Variants in MADD observed in about 807,000 individuals in gnomAD.
The protein encoded by MADD is MAP kinase activating death domain.
MADD carries 109 observed loss-of-function variants against 176.7 expected under a neutral mutation model. The observed-to-expected ratio is 0.62, with a 90% CI of 0.53 to 0.72. MADD has a LOEUF of 0.72. MADD is among the 30% of genes least tolerant of loss of function. The pLI, the probability that MADD is intolerant of heterozygous loss-of-function variation, is 0.00. For missense variants in MADD, 1,914 were observed against 2,045.5 expected (o/e 0.94, Z 1.24); for synonymous variants, 771 against 771.3 (o/e 1.00, Z 0.01).
intron 23 of MADD, 86 bp from the exon 27 acceptor site, chr11:47,309,195 T>C: frequency 6.4e-7 from 1 of 1,566,026 alleles, no homozygotes; most frequent in African/African-American, 1.4e-5. Flanking sequence ...TATTCCCTTT[T>C]ATCTGGATTT....
At chr11:47,282,257 A>C in intron 8 of MADD, 124 bp from the exon 9 acceptor site, 1 of 694,914 alleles carries the variant, frequency 1.4e-6, no homozygotes, top group East Asian at 2.6e-5. Flanking sequence ...TGATTCTTTA[A>C]GATATCTCTC....
At chr11:47,279,208 C>T (rs2053715274) in intron 7 of MADD, 129 bp downstream of exon 7, 3 of 780,422 alleles carry the variant, frequency 3.8e-6, no homozygotes, top group Non-Finnish European at 6.3e-6. Flanking sequence ...CCTGGATGGG[C>T]TTAAGAAAAC....
chr11:47,306,789 C>T (rs1426300659), intron 22 of MADD, among the ~76,000 whole-genome samples: 2 of 152,164 alleles, frequency 1.3e-5, no homozygotes, highest in African/African-American at 4.8e-5. Flanking sequence ...TATTACTCTA[C>T]CTCTCTTTGT....
At chr11:47,277,799 A>G (rs998786610) in intron 5 of MADD, among the ~76,000 whole-genome samples, 11 of 152,350 alleles carry the variant, frequency 7.2e-5, no homozygotes, top group African/African-American at 2.6e-4. Flanking sequence ...GCGGGACAGC[A>G]TGAGATTTCA....
chr11:47,293,175 C>T (rs1337223371), intron 19 of MADD, among the ~76,000 whole-genome samples: 3 of 152,144 alleles, frequency 2.0e-5, no homozygotes, highest in Admixed American at 1.3e-4. Context: ...CCTTTTCTAC[C>T]TCCTTTAGAC....
chr11:47,324,702 A>G, intron 30 of MADD, 125 bp downstream of exon 33: 1 of 748,346 alleles, frequency 1.3e-6, no homozygotes, highest in South Asian at 1.5e-5. Flanking sequence ...GGAGAACTGG[A>G]GCAGCTGGAC....
chr11:47,320,988 A>G (rs1468701276), intron 27 of MADD, among the ~76,000 whole-genome samples: 1 of 152,184 alleles, frequency 6.6e-6, no homozygotes, highest in East Asian at 1.9e-4. Context: ...GCACCCTCAC[A>G]TGAGAATTTC....
At chr11:47,296,618 A>G (rs1565425502) in intron 22 of MADD, among the ~76,000 whole-genome samples, 1 of 152,176 alleles carries the variant, frequency 6.6e-6, no homozygotes. Flanking sequence ...GTGATTCACT[A>G]TATTGCTGTG....
At chr11:47,329,853 G>A (rs2095828567) in exon 33 of MADD, 1 of 152,626 alleles carries the variant, frequency 6.6e-6, no homozygotes. Flanking sequence ...TCAGGGAGGG[G>A]GCAGGAAAGA....
chr11:47,318,014 C>T (rs919082748), intron 27 of MADD, among the ~76,000 whole-genome samples: 1 of 152,134 alleles, frequency 6.6e-6, no homozygotes, highest in African/African-American at 2.4e-5. Flanking sequence ...AAGTGATCCA[C>T]CCACCTCGGC....
chr11:47,271,674 TTC>T (rs1232397957), intron 1 of MADD, among the ~76,000 whole-genome samples: 1 of 152,196 alleles, frequency 6.6e-6, no homozygotes, highest in Non-Finnish European at 1.5e-5. Context: ...GTTCTATAAA[TTC>T]TGTTTTACTT....
At chr11:47,309,126 G>A (rs762718098) in intron 23 of MADD, 84 bp downstream of exon 26, 17 of 1,558,258 alleles carry the variant, frequency 1.1e-5, no homozygotes, top group African/African-American at 2.7e-5. Flanking sequence ...GGGGCTGGTG[G>A]CAGGCATGTT....
At chr11:47,276,626 G>A in intron 4 of MADD, 106 bp from the exon 5 acceptor site, 2 of 1,388,214 alleles carry the variant, frequency 1.4e-6, no homozygotes, top group Non-Finnish European at 2.0e-6. Flanking sequence ...CAAAGCTGGA[G>A]CTGTAGGCTC....
chr11:47,289,744 T>C (rs1057163788), intron 16 of MADD, 123 bp from the exon 18 acceptor site: 5 of 1,149,188 alleles, frequency 4.4e-6, no homozygotes, highest in Non-Finnish European at 6.3e-6. Flanking sequence ...TGTGGTGCAC[T>C]TGGACATTCA....
chr11:47,274,161 T>C (rs1225835883), intron 2 of MADD, among the ~76,000 whole-genome samples, 185 bp downstream of exon 2: 1 of 152,248 alleles, frequency 6.6e-6, no homozygotes, highest in Non-Finnish European at 1.5e-5. Flanking sequence ...AAAACCCTGC[T>C]CTTAACTAAC....
At chr11:47,326,506 C>G (rs41310332) in intron 30 of MADD, 38 bp from the exon 34 acceptor site, 1 of 1,349,010 alleles carries the variant, frequency 7.4e-7, no homozygotes, top group Non-Finnish European at 9.5e-7. Flanking sequence ...TTCAAACTAA[C>G]GCCTTCATTT....
chr11:47,274,638 T>C, exon 3 of MADD: 1 of 1,614,156 alleles, frequency 6.2e-7, no homozygotes, highest in Non-Finnish European at 8.5e-7. Context: ...ACACTGAGTT[T>C]CCCCTGCCCC....
chr11:47,280,723 C>T (rs560862075), intron 7 of MADD, among the ~76,000 whole-genome samples: 17 of 152,260 alleles, frequency 1.1e-4, no homozygotes, highest in African/African-American at 4.1e-4. Flanking sequence ...CACCACTGTG[C>T]CCAGCTAATT....
intron 1 of MADD, chr11:47,270,688 T>G (rs1960969440): frequency 6.6e-6 from 1 of 152,180 alleles, no homozygotes; most frequent in Admixed American, 6.5e-5. Context: ...AACTTGATAT[T>G]TCAAAATTGA....
Sources: gnomAD v4.1 joint callset for allele counts (sites outside exome capture counted in the v4.1 genomes callset) on GRCh38, gnomAD v4.1.1 for gene constraint, MANE v1.5 for transcripts, NCBI Gene and HGNC (gene_info 2026-07-23, HGNC 2026-07-21) for gene names.